WDR47: variants seen among roughly 807,000 people sequenced by gnomAD.
WDR47 encodes WD repeat domain 47, also known as WD repeat-containing protein 47.
A neutral mutation model predicts 97.2 loss-of-function variants in WDR47; 32 were observed. That is an observed-to-expected ratio of 0.33 (90% CI 0.25 to 0.44). WDR47 has a LOEUF of 0.44. Among genes scored for constraint, WDR47 ranks in the 20% least tolerant of loss-of-function variants. The pLI is 1.00. For synonymous variants in WDR47, 375 were observed against 373.5 expected (o/e 1.00, Z -0.05); for missense variants, 782 against 1,102.3 (o/e 0.71, Z 4.11).
At chr1:108,979,459 A>C (rs1658177044) in intron 13 of WDR47, among the ~76,000 whole-genome samples, 2 of 152,292 alleles carry the variant, frequency 1.3e-5, no homozygotes, top group South Asian at 4.1e-4. Context: ...CTGGAAGTCA[A>C]AACTGCAGTG....
At chr1:109,025,594 C>T (rs1232528743) in intron 1 of WDR47, among the ~76,000 whole-genome samples, 1 of 151,634 alleles carries the variant, frequency 6.6e-6, no homozygotes, top group African/African-American at 2.4e-5. Context: ...ATTAGCGGAG[C>T]GTGGTGGCAC....
intron 4 of WDR47, among the ~76,000 whole-genome samples, chr1:109,012,572 C>CAAAAA (rs57237933): frequency 0.035 from 2,607 of 73,490 alleles, 259 homozygotes; most frequent in Non-Finnish European, 0.042. Flanking sequence ...GACTCCATCT[C>CAAAAA]AAAAAAAAAA....
chr1:109,017,838 C>T (rs891456514), intron 2 of WDR47, among the ~76,000 whole-genome samples: 5 of 151,664 alleles, frequency 3.3e-5, no homozygotes, highest in Admixed American at 6.6e-5. Flanking sequence ...CCTCTGACTC[C>T]TGTGTTCAAG....
chr1:108,987,908 T>C (rs1306800582), intron 9 of WDR47, among the ~76,000 whole-genome samples: 1 of 151,988 alleles, frequency 6.6e-6, no homozygotes, highest in Non-Finnish European at 1.5e-5. Context: ...TCATAAACAC[T>C]CAAGTTTTTC....
chr1:109,002,438 C>A, intron 6 of WDR47, 36 bp from the exon 7 acceptor site: 2 of 1,450,158 alleles, frequency 1.4e-6, no homozygotes, highest in South Asian at 1.4e-5. Flanking sequence ...TATATTTGAG[C>A]AAACTATGAC....
At chr1:108,978,178 T>TAAA (rs71593456) in intron 13 of WDR47, among the ~76,000 whole-genome samples, 21 of 133,864 alleles carry the variant, frequency 1.6e-4, no homozygotes, top group African/African-American at 5.2e-4. Context: ...ATCCTTTAAT[T>TAAA]AAAAAAAAAA....
At chr1:109,009,280 T>C (rs999828692) in intron 5 of WDR47, among the ~76,000 whole-genome samples, 1 of 152,172 alleles carries the variant, frequency 6.6e-6, no homozygotes, top group African/African-American at 2.4e-5. Context: ...AAACCATCTA[T>C]ACATCCTCAT....
intron 7 of WDR47, among the ~76,000 whole-genome samples, chr1:108,998,993 A>T (rs908726437): frequency 1.3e-5 from 2 of 152,182 alleles, no homozygotes; most frequent in African/African-American, 4.8e-5. Context: ...TGGGAGGCCA[A>T]GGCAGGTGGA....
chr1:108,980,009 G>A (rs1230873158), intron 13 of WDR47, among the ~76,000 whole-genome samples: 1 of 152,076 alleles, frequency 6.6e-6, no homozygotes, highest in African/African-American at 2.4e-5. Context: ...TCACAGGAGC[G>A]GGAACCCTAC....
chr1:108,977,153 GT>G (rs1405218053), intron 13 of WDR47, among the ~76,000 whole-genome samples: 1 of 151,780 alleles, frequency 6.6e-6, no homozygotes, highest in Non-Finnish European at 1.5e-5. Flanking sequence ...AGGTAACTGG[GT>G]TTTTTTCTTT....
intron 2 of WDR47, 146 bp downstream of exon 2, chr1:109,023,209 T>TAAAA (rs900647879): frequency 1.3e-6 from 1 of 757,908 alleles, no homozygotes. Context: ...TCTCAAAAAA[T>TAAAA]AAAATAAAAT....
chr1:109,019,010 A>T (rs1159302345), intron 2 of WDR47, among the ~76,000 whole-genome samples: 1 of 151,956 alleles, frequency 6.6e-6, no homozygotes, highest in East Asian at 1.9e-4. Context: ...TCATGGCTGC[A>T]GTGACCATGA....
chr1:109,006,065 C>T (rs1187579586), intron 5 of WDR47, among the ~76,000 whole-genome samples: 1 of 151,818 alleles, frequency 6.6e-6, no homozygotes, highest in Admixed American at 6.6e-5. Flanking sequence ...CCATATGTTT[C>T]TATAGATTTT....
intron 11 of WDR47, 45 bp downstream of exon 11, chr1:108,983,237 A>G (rs772417205): frequency 1.3e-6 from 2 of 1,529,290 alleles, no homozygotes; most frequent in East Asian, 2.4e-5. Context: ...AAAACATAAC[A>G]TATACACTGG....
chr1:108,977,785 A>C (rs1251986138), intron 13 of WDR47, among the ~76,000 whole-genome samples: 3 of 152,064 alleles, frequency 2.0e-5, no homozygotes, highest in Non-Finnish European at 1.5e-5. Flanking sequence ...CTGAGATTAC[A>C]CCATGGCACT....
At chr1:109,030,467 C>A in intron 1 of WDR47, 1 of 314,048 alleles carries the variant, frequency 3.2e-6, no homozygotes, top group Non-Finnish European at 5.6e-6. Context: ...AAAAACACAA[C>A]AGGCCAAGAA....
rs375279965 is a variant in WDR47, at chr1:109,023,317, G to A, written c.158+38C>T. The stretch of plus-strand genomic sequence containing the variant: ...CCTTATTAATACTTAACATTTCTTC[G>A]AAGGAGCTACAAACTTCACAGTATA... On this transcript the variant is annotated intron_variant, in intron 2 of 14. Transcript: ENST00000369962. The A allele has an allele frequency of 3.5e-5, 56 of 1,582,166 alleles. No homozygotes were observed. In the African/African-American group the frequency reaches 5.7e-4, roughly 16 times the overall value.
chr1:108,982,556 A>G, intron 12 of WDR47, 53 bp downstream of exon 12: 1 of 1,537,202 alleles, frequency 6.5e-7, no homozygotes, highest in South Asian at 1.3e-5. Flanking sequence ...AGAGGAAAAA[A>G]AAGCACAGAT....
intron 8 of WDR47, 118 bp downstream of exon 8, chr1:108,995,462 A>C: frequency 1.6e-6 from 2 of 1,226,022 alleles, no homozygotes; most frequent in Non-Finnish European, 2.3e-6. Context: ...TTAGGAAAAA[A>C]AATTGGTAGG....
Sources: allele counts gnomAD v4.1 joint callset (sites outside exome capture counted in the v4.1 genomes callset), GRCh38; gene constraint gnomAD v4.1.1; transcripts MANE v1.5; gene names NCBI Gene and HGNC (gene_info 2026-07-23, HGNC 2026-07-21).